Variants in SH3RF3 observed in about 807,000 individuals in gnomAD.
SH3RF3 encodes SH3 domain containing ring finger 3.
A neutral mutation model predicts 66.3 loss-of-function variants in SH3RF3; 29 were observed. The ratio of observed to expected loss-of-function variants is 0.44; its 90% confidence interval spans 0.33 to 0.60. The LOEUF is 0.60. Among genes scored for constraint, SH3RF3 ranks in the 20% least tolerant of loss-of-function variants. The probability of loss-of-function intolerance (pLI) is 0.04; values close to 1 mark genes in which losing one functional copy is unlikely to be tolerated. For missense variants in SH3RF3, 1,194 were observed against 1,190.9 expected (o/e 1.00, Z -0.04); for synonymous variants, 583 against 532.0 (o/e 1.10, Z -1.32).
At chr2:109,434,796 G>T in intron 6 of SH3RF3, among the ~76,000 whole-genome samples, 1 of 152,350 alleles carries the variant, frequency 6.6e-6, no homozygotes, top group Non-Finnish European at 1.5e-5. Flanking sequence ...CTCCAGCCTT[G>T]TTTACCTGGC....
At chr2:109,181,497 G>T (rs576508495) in intron 1 of SH3RF3, among the ~76,000 whole-genome samples, 2 of 151,638 alleles carry the variant, frequency 1.3e-5, no homozygotes, top group African/African-American at 4.9e-5. Context: ...ACACACACAC[G>T]CACACTAACA....
chr2:109,382,634 A>T (rs1046020859), intron 3 of SH3RF3, among the ~76,000 whole-genome samples: 27 of 152,264 alleles, frequency 1.8e-4, no homozygotes, highest in African/African-American at 6.5e-4. Context: ...GCCCTGTCAC[A>T]TCTTCAAATC....
In SH3RF3 at chr2:109,129,625, G is replaced by C. The variant is rs1352378756; in HGVS notation, c.85G>C (p.Glu29Gln). 2.0e-6 allele frequency: 3 copies of C among 1,491,746 alleles called. No individual in the cohort carries two copies. In the African/African-American group the frequency reaches 4.4e-5, roughly 22 times the overall value. The allele number at this position is 1,491,746 out of a possible 1,614,324, so 92.4% of individuals were successfully genotyped here. A position where few individuals can be genotyped will look rare whatever the true frequency, so the allele number is the denominator to read the frequency against. Reference protein sequence around the residue: ...QSEGDEDRPGERRRRRAAATA... With the variant: ...QSEGDEDRPGQRRRRRAAATA... Reference sequence around the variant, plus strand: ...CGAGGGCGACGAGGACAGGCCAGGCGAGCGACGGCGGCGTCGGGCGGCGGC... The same window carrying C: ...CGAGGGCGACGAGGACAGGCCAGGCCAGCGACGGCGGCGTCGGGCGGCGGC... The change falls in exon 1 of 10, where the codon GAG becomes CAG. Residue 29 changes from glutamate to glutamine, a missense_variant. Transcript: ENST00000309415.
chr2:109,281,113 G>T (rs943672567), intron 1 of SH3RF3, among the ~76,000 whole-genome samples: 4 of 152,204 alleles, frequency 2.6e-5, no homozygotes, highest in Admixed American at 2.6e-4. Context: ...CTGAGAGACA[G>T]GAATGGGCAC....
At chr2:109,341,624 T>C (rs1682554986) in intron 1 of SH3RF3, among the ~76,000 whole-genome samples, 1 of 152,186 alleles carries the variant, frequency 6.6e-6, no homozygotes, top group African/African-American at 2.4e-5. Flanking sequence ...TACTTCATGG[T>C]ATGGGGGTGT....
intron 1 of SH3RF3, among the ~76,000 whole-genome samples, chr2:109,316,084 A>G (rs771911830): frequency 6.6e-6 from 1 of 152,222 alleles, no homozygotes; most frequent in Non-Finnish European, 1.5e-5. Flanking sequence ...GTGCATTTCC[A>G]GTATGCAATT....
At chr2:109,298,315 G>A (rs1050538253) in intron 1 of SH3RF3, among the ~76,000 whole-genome samples, 23 of 151,008 alleles carry the variant, frequency 1.5e-4, no homozygotes, top group Admixed American at 1.1e-3. Flanking sequence ...GAAGGGAAGC[G>A]CATCTATGTC....
chr2:109,195,124 G>C (rs1184477234), intron 1 of SH3RF3, among the ~76,000 whole-genome samples: 2 of 152,234 alleles, frequency 1.3e-5, no homozygotes, highest in Non-Finnish European at 2.9e-5. Flanking sequence ...GTAGCTGGCA[G>C]ATGGATAAAA....
chr2:109,458,162 C>T (rs1287439336), intron 8 of SH3RF3, among the ~76,000 whole-genome samples: 2 of 152,198 alleles, frequency 1.3e-5, no homozygotes, highest in African/African-American at 4.8e-5. Context: ...TTTTTATTCA[C>T]CTGATAAGCT....
At chr2:109,281,409 T>G (rs1230322734) in intron 1 of SH3RF3, among the ~76,000 whole-genome samples, 1 of 152,186 alleles carries the variant, frequency 6.6e-6, no homozygotes, top group South Asian at 2.1e-4. Context: ...GATGTGACAG[T>G]CTCAGAGCAG....
chr2:109,364,159 GTT>G (rs564757649), intron 2 of SH3RF3, among the ~76,000 whole-genome samples: 1 of 141,860 alleles, frequency 7.0e-6, no homozygotes, highest in African/African-American at 2.6e-5. Flanking sequence ...CTCCATTATG[GTT>G]TTTTTTTTTT....
At chr2:109,252,521 G>C (rs748211512) in intron 1 of SH3RF3, among the ~76,000 whole-genome samples, 1 of 152,062 alleles carries the variant, frequency 6.6e-6, no homozygotes, top group Non-Finnish European at 1.5e-5. Flanking sequence ...GAGTTTCTTG[G>C]GATGTGGGAC....
chr2:109,227,662 G>A (rs1395242324), intron 1 of SH3RF3, among the ~76,000 whole-genome samples: 1 of 152,204 alleles, frequency 6.6e-6, no homozygotes, highest in Non-Finnish European at 1.5e-5. Context: ...GTACACGGCA[G>A]CTCCCCTGCT....
At chr2:109,380,202 C>A (rs1327565087) in intron 3 of SH3RF3, among the ~76,000 whole-genome samples, 1 of 152,170 alleles carries the variant, frequency 6.6e-6, no homozygotes, top group Non-Finnish European at 1.5e-5. Context: ...TAGGTACCGG[C>A]TCGCCCTGAT....
chr2:109,341,162 G>A (rs1270652672), intron 1 of SH3RF3, among the ~76,000 whole-genome samples: 1 of 152,124 alleles, frequency 6.6e-6, no homozygotes, highest in African/African-American at 2.4e-5. Flanking sequence ...GAAAAGAGGG[G>A]ACAAAACAAA....
chr2:109,434,751 C>T (rs1329669221), intron 6 of SH3RF3, among the ~76,000 whole-genome samples: 3 of 152,254 alleles, frequency 2.0e-5, no homozygotes, highest in Admixed American at 1.3e-4. Flanking sequence ...TCAGGATCCC[C>T]CCTCACAGGC....
chr2:109,395,140 C>T (rs540568804), intron 3 of SH3RF3, among the ~76,000 whole-genome samples: 1 of 152,364 alleles, frequency 6.6e-6, no homozygotes, highest in South Asian at 2.1e-4. Flanking sequence ...GTAGCAGTGC[C>T]TGGGACTCCG....
At chr2:109,482,530 G>A (rs943401165) in intron 8 of SH3RF3, among the ~76,000 whole-genome samples, 10 of 152,168 alleles carry the variant, frequency 6.6e-5, no homozygotes, top group Non-Finnish European at 8.8e-5. Flanking sequence ...CCCTGACACC[G>A]TGGTGAACTT....
intron 1 of SH3RF3, among the ~76,000 whole-genome samples, chr2:109,262,209 AC>A (rs1380545525): frequency 6.6e-6 from 1 of 152,206 alleles, no homozygotes; most frequent in African/African-American, 2.4e-5. Flanking sequence ...TTTAAAGAAG[AC>A]CAACATCATG....
Sources: allele counts gnomAD v4.1 joint callset (sites outside exome capture counted in the v4.1 genomes callset), GRCh38; gene constraint gnomAD v4.1.1; transcripts MANE v1.5; gene names NCBI Gene and HGNC (gene_info 2026-07-23, HGNC 2026-07-21).